HSD17B4: variants seen among roughly 807,000 people sequenced by gnomAD.
The protein encoded by HSD17B4 is peroxisomal multifunctional enzyme type 2.
A neutral mutation model predicts 101.0 loss-of-function variants in HSD17B4; 70 were observed. That is an observed-to-expected ratio of 0.69 (90% CI 0.57 to 0.85). The LOEUF is 0.85. Among genes scored for constraint, HSD17B4 ranks in the 40% least tolerant of loss-of-function variants. The pLI is 0.00. For synonymous variants in HSD17B4, 347 were observed against 297.1 expected, an observed-to-expected ratio of 1.17 and a Z score of -1.73; for missense variants, 984 against 892.4, an observed-to-expected ratio of 1.10 and a Z score of -1.31.
chr5:119,537,890 T>A (rs1223567069), intron 23 of HSD17B4, among the ~76,000 whole-genome samples: 1 of 152,170 alleles, frequency 6.6e-6, no homozygotes, highest in African/African-American at 2.4e-5. Flanking sequence ...GGGAACTATT[T>A]TAAATAGGTT....
chr5:119,536,241 T>C, intron 22 of HSD17B4, 182 bp from the exon 23 acceptor site: 1 of 581,240 alleles, frequency 1.7e-6, no homozygotes, highest in African/African-American at 1.9e-5. Flanking sequence ...TATTCTTGTA[T>C]TTCTATATTT....
At chr5:119,490,469 AAT>A (rs1427962622) in intron 9 of HSD17B4, among the ~76,000 whole-genome samples, 1 of 152,244 alleles carries the variant, frequency 6.6e-6, no homozygotes, top group Non-Finnish European at 1.5e-5. Context: ...TAAAAAATAA[AAT>A]AAAAATTGCC....
intron 20 of HSD17B4, among the ~76,000 whole-genome samples, chr5:119,529,124 G>A (rs1262203852): frequency 6.6e-6 from 1 of 152,078 alleles, no homozygotes; most frequent in African/African-American, 2.4e-5. Flanking sequence ...AATATGATGA[G>A]ATGTAGTCAA....
intron 9 of HSD17B4, among the ~76,000 whole-genome samples, chr5:119,491,887 A>G (rs151197119): frequency 6.6e-6 from 1 of 152,194 alleles, no homozygotes; most frequent in East Asian, 1.9e-4. Context: ...ATGCATTTCT[A>G]CTTCATTGTA....
chr5:119,475,932 G>T, intron 6 of HSD17B4, 62 bp downstream of exon 6: 1 of 1,261,680 alleles, frequency 7.9e-7, no homozygotes, highest in South Asian at 1.2e-5. Flanking sequence ...TTTAGTATTT[G>T]ATAAATTTAT....
Position 119,491,986 on chromosome 5 carries a change from T to G in HSD17B4, c.715-114T>G, listed in dbSNP as rs1276145963. 3.6e-6 allele frequency: 3 copies of G among 828,538 alleles called. No homozygotes were observed. The East Asian group carries it at 7.3e-5, about 20-fold the overall frequency. The allele number at this position is 828,538 out of a possible 1,614,324, so 51.3% of individuals were successfully genotyped here. On this transcript the variant is annotated intron_variant, in intron 9 of 23. Transcript: ENST00000510025. ...ACAGAGCTGTATTATTTTCATCTCC[T>G]GTTGCCTTGAATTCTAATACTGCTA...
chr5:119,468,402 T>G (rs1580530967), intron 2 of HSD17B4, among the ~76,000 whole-genome samples: 1 of 151,840 alleles, frequency 6.6e-6, no homozygotes, highest in Admixed American at 6.6e-5. Flanking sequence ...GGCTGGCAGG[T>G]TTTTGTTTTT....
intron 10 of HSD17B4, chr5:119,493,398 T>G: frequency 5.6e-6 from 1 of 177,064 alleles, no homozygotes; most frequent in Non-Finnish European, 1.2e-5. Flanking sequence ...TGACCTATTA[T>G]TTACTATTAG....
rs74388378 is a variant in HSD17B4 at position 119,514,761 on chromosome 5, A to T, written c.1438-220A>T. On this transcript the variant is annotated intron_variant, in intron 16 of 23. Coordinates refer to ENST00000510025, the MANE Select transcript of HSD17B4 (RefSeq NM_000414.4). ...TTTATCTGATTACATAATTCTTTACATTTAGAAAGGTCATTTCAGGCAAAT... is the reference window on the plus strand; with the variant it reads ...TTTATCTGATTACATAATTCTTTACTTTTAGAAAGGTCATTTCAGGCAAAT... Among the ~76,000 whole-genome samples, 669 of 152,240 alleles carry T rather than the reference A, an allele frequency of 4.4e-3. 6 individuals are homozygous for T. The highest frequency in any genetic ancestry group is 0.016 in the African/African-American group (652 of 41,554).
chr5:119,490,164 A>C (rs1749973406), intron 9 of HSD17B4, among the ~76,000 whole-genome samples: 1 of 152,148 alleles, frequency 6.6e-6, no homozygotes, highest in African/African-American at 2.4e-5. Flanking sequence ...GTTAAGACAA[A>C]AAAAACAGTT....
intron 16 of HSD17B4, among the ~76,000 whole-genome samples, chr5:119,512,044 G>C (rs1039378129): frequency 6.6e-6 from 1 of 152,048 alleles, no homozygotes; most frequent in Admixed American, 6.6e-5. Flanking sequence ...AGGAAATTTG[G>C]AGCTGAAAGT....
intron 18 of HSD17B4, chr5:119,525,623 G>A: frequency 3.9e-6 from 2 of 517,768 alleles, no homozygotes; most frequent in South Asian, 2.1e-5. Flanking sequence ...CTGTGTGGAT[G>A]TTGAGAGTAC....
At chr5:119,506,983 G>T in intron 15 of HSD17B4, 94 bp downstream of exon 15, 1 of 647,268 alleles carries the variant, frequency 1.5e-6, no homozygotes, top group Non-Finnish European at 2.7e-6. Flanking sequence ...TAATAAGTTA[G>T]TATTTGTCTT....
At chr5:119,499,046 T>A (rs1750910427) in intron 12 of HSD17B4, among the ~76,000 whole-genome samples, 1 of 152,154 alleles carries the variant, frequency 6.6e-6, no homozygotes, top group East Asian at 1.9e-4. Flanking sequence ...TAATAGTTGC[T>A]GAATTAGAGA....
chr5:119,504,737 C>T (rs1751493695), intron 14 of HSD17B4, among the ~76,000 whole-genome samples: 1 of 151,858 alleles, frequency 6.6e-6, no homozygotes, highest in Non-Finnish European at 1.5e-5. Context: ...TGTCTGTTTA[C>T]TCTGTTCATA....
chr5:119,524,835 C>A (rs369094282), intron 17 of HSD17B4, among the ~76,000 whole-genome samples: 1 of 151,990 alleles, frequency 6.6e-6, no homozygotes, highest in Non-Finnish European at 1.5e-5. Flanking sequence ...TTTAAAACAC[C>A]CCAGTAAGAA....
chr5:119,530,014 C>G (rs779411700), intron 21 of HSD17B4, 34 bp downstream of exon 21: 21 of 1,250,892 alleles, frequency 1.7e-5, no homozygotes, highest in Non-Finnish European at 2.5e-5. Flanking sequence ...AAGCCACTTC[C>G]TCATTTAGGA....
At chr5:119,497,751 G>A (rs907714670) in intron 12 of HSD17B4, among the ~76,000 whole-genome samples, 1 of 151,686 alleles carries the variant, frequency 6.6e-6, no homozygotes, top group Non-Finnish European at 1.5e-5. Context: ...TGATAAAACT[G>A]TATAAAATAT....
At chr5:119,497,850 CTG>C (rs1440378109) in intron 12 of HSD17B4, among the ~76,000 whole-genome samples, 2 of 152,126 alleles carry the variant, frequency 1.3e-5, no homozygotes, top group Admixed American at 1.3e-4. Flanking sequence ...CTGTATCTAA[CTG>C]TATGACAAGT....
Sources: allele counts gnomAD v4.1 joint callset (sites outside exome capture counted in the v4.1 genomes callset), GRCh38; gene constraint gnomAD v4.1.1; transcripts MANE v1.5; gene names NCBI Gene and HGNC (gene_info 2026-07-23, HGNC 2026-07-21).